Variants in TNIK observed in about 807,000 individuals in gnomAD.
TNIK encodes TRAF2 and NCK interacting kinase, also known as TRAF2 and NCK-interacting protein kinase.
A neutral mutation model predicts 191.3 loss-of-function variants in TNIK; 49 were observed. The observed-to-expected ratio is 0.26, with a 90% CI of 0.20 to 0.32. TNIK has a LOEUF of 0.32. Among genes scored for constraint, TNIK ranks in the 10% least tolerant of loss-of-function variants. The pLI is 1.00. For synonymous variants in TNIK, 594 were observed against 600.9 expected (o/e 0.99, Z 0.17); for missense variants, 1,155 against 1,702.3 (o/e 0.68, Z 5.66).
rs1261009310 is a variant in TNIK at position 171,264,904 on chromosome 3, C to A, written c.124-36683G>T. On this transcript the variant is annotated intron_variant, in intron 2 of 32. Coordinates refer to ENST00000436636, the MANE Select transcript of TNIK (RefSeq NM_015028.4). Reference sequence around the variant, plus strand: ...CCGAGTTCACCCATGGTATTTCAGACCCCTGCCATGAGAGAGGTAGTGGGT... The same window carrying A: ...CCGAGTTCACCCATGGTATTTCAGAACCCTGCCATGAGAGAGGTAGTGGGT... Among the ~76,000 whole-genome samples the A allele has an allele frequency of 7.9e-5, 12 of 152,160 alleles. 1 individual carries two copies. Among genetic ancestry groups the A allele is most frequent in the Admixed American group, 7.2e-4 (11 of 15,286 alleles).
chr3:171,193,287 A>G (rs1440655309), intron 5 of TNIK, among the ~76,000 whole-genome samples: 1 of 152,204 alleles, frequency 6.6e-6, no homozygotes, highest in Non-Finnish European at 1.5e-5. Context: ...TGCCTTGGTT[A>G]TTCTTGGCCC....
At chr3:171,282,341 G>GTTTTTTTTTTTTTTTT (rs869305605) in intron 2 of TNIK, among the ~76,000 whole-genome samples, 60 of 79,956 alleles carry the variant, frequency 7.5e-4, no homozygotes, top group African/African-American at 2.6e-3. Flanking sequence ...ATGGTTTTTT[G>GTTTTTTTTTTTTTTTT]TTTTTTTTTT....
intron 9 of TNIK, among the ~76,000 whole-genome samples, chr3:171,173,617 G>A (rs1735609933): frequency 6.6e-6 from 1 of 152,118 alleles, no homozygotes; most frequent in South Asian, 2.1e-4. Context: ...ATTTTTAAGT[G>A]TTGCCAATTA....
At chr3:171,361,150 G>T (rs1714914311) in intron 2 of TNIK, among the ~76,000 whole-genome samples, 1 of 152,154 alleles carries the variant, frequency 6.6e-6, no homozygotes, top group African/African-American at 2.4e-5. Context: ...TCCTGGCTGT[G>T]CATTGCAAGC....
At chr3:171,169,843 G>A (rs1258286222) in intron 9 of TNIK, among the ~76,000 whole-genome samples, 2 of 152,140 alleles carry the variant, frequency 1.3e-5, no homozygotes, top group African/African-American at 4.8e-5. Flanking sequence ...ATAACTTTGG[G>A]CCTAAAAGAT....
intron 1 of TNIK, among the ~76,000 whole-genome samples, chr3:171,436,276 T>G (rs1364523729): frequency 6.6e-6 from 1 of 151,194 alleles, no homozygotes; most frequent in African/African-American, 2.4e-5. Flanking sequence ...TAATACCTTG[T>G]AAACCTACAT....
chr3:171,080,708 A>G (rs886776212), intron 27 of TNIK, among the ~76,000 whole-genome samples: 2 of 152,168 alleles, frequency 1.3e-5, no homozygotes, highest in African/African-American at 4.8e-5. Context: ...CCCAAAAAAA[A>G]TGTTTTATAT....
In TNIK at chr3:171,061,868, G is replaced by C. The variant is rs1717864859; in HGVS notation, c.*2013C>G. ...ACCACAGCAGTAAAAATGAGAACAG[G>C]AGGATTTCATTGCTTTTGAGAGCTA... On this transcript the variant is annotated 3_prime_UTR_variant, in exon 33 of 33. Transcript: ENST00000436636. 6.6e-6 allele frequency: 1 copy of C among 152,174 alleles called. No homozygotes were observed. Among genetic ancestry groups the C allele is most frequent in the South Asian group, 2.1e-4 (1 of 4,826 alleles). 9.4% of individuals were successfully genotyped at this position (152,174 alleles called of 1,614,324 possible).
intron 1 of TNIK, among the ~76,000 whole-genome samples, chr3:171,445,563 C>T (rs911212669): frequency 6.6e-6 from 1 of 152,052 alleles, no homozygotes; most frequent in African/African-American, 2.4e-5. Context: ...TGCAGGATAA[C>T]ATTTACTGAG....
At chr3:171,119,978 A>G (rs1727408258) in intron 18 of TNIK, among the ~76,000 whole-genome samples, 1 of 152,178 alleles carries the variant, frequency 6.6e-6, no homozygotes, top group African/African-American at 2.4e-5. Context: ...GCTCTTTTGG[A>G]TTTGGTATGG....
intron 1 of TNIK, among the ~76,000 whole-genome samples, chr3:171,430,625 A>T (rs899493879): frequency 1.4e-5 from 2 of 145,714 alleles, no homozygotes; most frequent in Admixed American, 6.9e-5. Flanking sequence ...GCCCAGAGTG[A>T]CACCTTGTCT....
chr3:171,108,434 A>G lies in TNIK; in HGVS notation c.2285-272T>C, dbSNP rs1027773685. Among the ~76,000 whole-genome samples, 7 of 152,200 alleles carry G rather than the reference A, an allele frequency of 4.6e-5. No individual in the cohort carries two copies. The South Asian group carries it at 1.2e-3, about 27-fold the overall frequency. On this transcript the variant is annotated intron_variant, in intron 19 of 32. Transcript: ENST00000436636. ...CTAGAGCACTTCTTATGTGTCAGGC[A>G]TAGTGCTAAATGCTTTCCATGTCAA... is the stretch of plus-strand genomic sequence containing the variant.
chr3:171,349,833 A>G (rs1284781306), intron 2 of TNIK, among the ~76,000 whole-genome samples: 1 of 152,188 alleles, frequency 6.6e-6, no homozygotes, highest in Non-Finnish European at 1.5e-5. Context: ...GCAGCAGCCA[A>G]TGGTATCCAG....
chr3:171,244,943 G>A lies in TNIK; in HGVS notation c.124-16722C>T, dbSNP rs536039382. ...AAGATTATGAAAAAGGAGCAATGAAGCTACTGAAAAAGATTTGTATAAACT... is the reference window on the plus strand; with the variant it reads ...AAGATTATGAAAAAGGAGCAATGAAACTACTGAAAAAGATTTGTATAAACT... On this transcript the variant is annotated intron_variant, in intron 2 of 32. Coordinates refer to ENST00000436636, the MANE Select transcript of TNIK (RefSeq NM_015028.4). Among the ~76,000 whole-genome samples, 25 of 152,088 alleles carry A rather than the reference G, an allele frequency of 1.6e-4. No homozygotes were observed. In the South Asian group the frequency reaches 5.2e-3, roughly 32 times the overall value.
chr3:171,146,310 C>T (rs1298467013), intron 12 of TNIK, among the ~76,000 whole-genome samples: 1 of 152,196 alleles, frequency 6.6e-6, no homozygotes, highest in East Asian at 1.9e-4. Context: ...GCCACCTTAA[C>T]TCCTCCTTTT....
intron 2 of TNIK, among the ~76,000 whole-genome samples, chr3:171,273,039 C>T (rs1026493689): frequency 6.6e-6 from 1 of 152,202 alleles, no homozygotes; most frequent in Admixed American, 6.5e-5. Flanking sequence ...TGATCAGAAG[C>T]CCATGGCTGC....
chr3:171,340,119 G>GA (rs1261228112), intron 2 of TNIK, among the ~76,000 whole-genome samples: 6 of 151,968 alleles, frequency 3.9e-5, no homozygotes, highest in African/African-American at 7.3e-5. Context: ...TTGATGACAT[G>GA]AAAAAAATGC....
At chr3:171,423,638 C>T (rs1241194292) in intron 1 of TNIK, among the ~76,000 whole-genome samples, 2 of 152,094 alleles carry the variant, frequency 1.3e-5, no homozygotes, top group African/African-American at 4.8e-5. Context: ...AACAGAGATA[C>T]AGACCAATGG....
intron 2 of TNIK, among the ~76,000 whole-genome samples, chr3:171,281,653 A>G (rs956376801): frequency 1.3e-5 from 2 of 151,768 alleles, no homozygotes; most frequent in African/African-American, 4.9e-5. Flanking sequence ...AACAGTTAAC[A>G]CTAAACCGTA....
Sources: allele counts gnomAD v4.1 joint callset (sites outside exome capture counted in the v4.1 genomes callset), GRCh38; gene constraint gnomAD v4.1.1; transcripts MANE v1.5; gene names NCBI Gene and HGNC (gene_info 2026-07-23, HGNC 2026-07-21).